The following CHN1 variants were observed in gnomAD, a reference collection of about 807,000 sequenced individuals.
CHN1 encodes chimerin 1, also known as N-chimaerin.
CHN1 carries 37 observed loss-of-function variants against 59.5 expected under a neutral mutation model. The ratio of observed to expected loss-of-function variants is 0.62; its 90% CI spans 0.48 to 0.82. CHN1 has a LOEUF of 0.82. Among genes scored for constraint, CHN1 ranks in the 40% least tolerant of loss-of-function variants. The pLI is 0.00. For synonymous variants in CHN1, 206 were observed against 200.4 expected, an observed-to-expected ratio of 1.03 and a Z score of -0.24; for missense variants, 469 against 571.0, an observed-to-expected ratio of 0.82 and a Z score of 1.82.
chr2:174,936,676 C>G (rs1020612781), intron 3 of CHN1, among the ~76,000 whole-genome samples: 1 of 152,098 alleles, frequency 6.6e-6, no homozygotes, highest in East Asian at 1.9e-4. Context: ...CTATAAATGA[C>G]AGAGTTGTAT....
At chr2:174,866,974 G>A (rs1181429213) in intron 6 of CHN1, among the ~76,000 whole-genome samples, 1 of 151,456 alleles carries the variant, frequency 6.6e-6, no homozygotes, top group East Asian at 1.9e-4. Flanking sequence ...TAAATATTCT[G>A]GAAACAAATG....
At chr2:174,906,408 A>T (rs1688544162) in intron 5 of CHN1, among the ~76,000 whole-genome samples, 1 of 152,206 alleles carries the variant, frequency 6.6e-6, no homozygotes, top group African/African-American at 2.4e-5. Flanking sequence ...TTACATCAAT[A>T]GAGACAAAAG....
intron 11 of CHN1, among the ~76,000 whole-genome samples, chr2:174,804,333 T>C (rs934750214): frequency 6.6e-6 from 1 of 152,120 alleles, no homozygotes; most frequent in South Asian, 2.1e-4. Flanking sequence ...TTAGCAGGTG[T>C]GGTCAGAAGG....
rs541296537 is a variant in CHN1 at position 174,868,354 on chromosome 2, C to T, written c.549+9486G>A. ...CTCTCTGCAATAGATTCCCGGTGCTCCCAGCCTTAAGAAACACTACACCTC... is the reference window on the plus strand; with the variant it reads ...CTCTCTGCAATAGATTCCCGGTGCTTCCAGCCTTAAGAAACACTACACCTC... On this transcript the variant is annotated intron_variant, in intron 6 of 12. Coordinates refer to ENST00000409900, the MANE Select transcript of CHN1 (RefSeq NM_001822.7). Among the ~76,000 whole-genome samples, 7 of 152,160 alleles carry T rather than the reference C, an allele frequency of 4.6e-5. 1 individual carries two copies. The highest frequency in any genetic ancestry group is 1.7e-4 in the African/African-American group (7 of 41,492).
chr2:174,933,142 T>C (rs866690239), intron 3 of CHN1, among the ~76,000 whole-genome samples: 3 of 152,144 alleles, frequency 2.0e-5, no homozygotes, highest in Non-Finnish European at 4.4e-5. Context: ...ATTAGACATA[T>C]GAGAGGGGAT....
chr2:174,841,261 C>G (rs911254061), intron 7 of CHN1, among the ~76,000 whole-genome samples: 1 of 152,134 alleles, frequency 6.6e-6, no homozygotes, highest in Non-Finnish European at 1.5e-5. Context: ...GCCAGCATGA[C>G]AAACCATAAG....
At chr2:174,802,043 A>T (rs1684740284) in intron 11 of CHN1, 1 of 388,634 alleles carries the variant, frequency 2.6e-6, no homozygotes, top group South Asian at 2.4e-5. Flanking sequence ...GATGGAGGGA[A>T]CATCCAGTTT....
chr2:174,916,257 T>C (rs373033991), intron 4 of CHN1, among the ~76,000 whole-genome samples: 1 of 152,248 alleles, frequency 6.6e-6, no homozygotes. Context: ...TCCCCTGTTA[T>C]GATGGTATAC....
At chr2:174,902,311 T>C (rs1021612895) in intron 5 of CHN1, among the ~76,000 whole-genome samples, 2 of 152,164 alleles carry the variant, frequency 1.3e-5, no homozygotes, top group Non-Finnish European at 2.9e-5. Flanking sequence ...TCACATCAAT[T>C]ACTTTCTATG....
At chr2:174,988,209 T>C (rs1691414983) in intron 1 of CHN1, among the ~76,000 whole-genome samples, 1 of 151,628 alleles carries the variant, frequency 6.6e-6, no homozygotes, top group African/African-American at 2.4e-5. Context: ...ATACAAAAAT[T>C]AGCCGGGCAT....
chr2:174,955,943 T>C (rs937280623), intron 1 of CHN1, among the ~76,000 whole-genome samples: 2 of 152,312 alleles, frequency 1.3e-5, no homozygotes, highest in Admixed American at 6.5e-5. Context: ...CTATGCTCAC[T>C]GCCAGGGTGA....
chr2:174,846,872 A>G lies in CHN1; in HGVS notation c.627+8T>C. On this transcript the variant is annotated splice_region_variant and intron_variant, in intron 7 of 12. Coordinates refer to ENST00000409900, the MANE Select transcript of CHN1 (RefSeq NM_001822.7). ...ATTTCTTAAAAGACTAAAAGCAAAT[A>G]TTCTTACCTTGAAATTGTGAATCTT... is the stretch of plus-strand genomic sequence containing the variant. 1 of 1,546,950 alleles carries G rather than the reference A, an allele frequency of 6.5e-7. No individual in the cohort carries two copies. Among genetic ancestry groups the G allele is most frequent in the Non-Finnish European group, 8.7e-7 (1 of 1,144,148 alleles).
In CHN1 at chr2:175,005,132, A is replaced by G. The variant is rs889213134; in HGVS notation, c.-220T>C. 1 of 1,305,492 alleles carries G rather than the reference A, an allele frequency of 7.7e-7. No homozygotes were observed. Among genetic ancestry groups the G allele is most frequent in the South Asian group, 1.8e-5 (1 of 55,114 alleles). 80.9% of individuals were successfully genotyped at this position (1,305,492 alleles called of 1,614,324 possible). ...ATTGTCGGGCGCACCGGGCCCAGGGAGCCCCGCTAGCTCTCCGCGAGCCGG... is the reference window on the plus strand; with the variant it reads ...ATTGTCGGGCGCACCGGGCCCAGGGGGCCCCGCTAGCTCTCCGCGAGCCGG... On this transcript the variant is annotated 5_prime_UTR_variant, in exon 1 of 13. Coordinates refer to ENST00000409900, the MANE Select transcript of CHN1 (RefSeq NM_001822.7).
intron 6 of CHN1, among the ~76,000 whole-genome samples, chr2:174,853,642 C>T (rs908035034): frequency 6.6e-6 from 1 of 152,158 alleles, no homozygotes; most frequent in Non-Finnish European, 1.5e-5. Flanking sequence ...AAGACACATG[C>T]ACTTCCATGT....
chr2:174,817,340 C>T (rs1574049566), intron 8 of CHN1, among the ~76,000 whole-genome samples: 2 of 152,040 alleles, frequency 1.3e-5, no homozygotes, highest in African/African-American at 4.8e-5. Flanking sequence ...TATTCTTTCC[C>T]TATGTATAAA....
Position 174,864,669 on chromosome 2 carries a change from G to A in CHN1, c.549+13171C>T, listed in dbSNP as rs76479340. Among the ~76,000 whole-genome samples the A allele has an allele frequency of 5.7e-3, 865 of 152,164 alleles. 5 individuals carry two copies. The highest frequency in any genetic ancestry group is 9.7e-3 in the Non-Finnish European group (658 of 68,008). On this transcript the variant is annotated intron_variant, in intron 6 of 12. Coordinates refer to ENST00000409900, the MANE Select transcript of CHN1 (RefSeq NM_001822.7). The stretch of plus-strand genomic sequence containing the variant: ...GCAGACTGCTTGAGCCCAGAAGTTC[G>A]AGACCAGCCTGGGCACTATGGCAAA...
chr2:174,847,121 T>C, intron 6 of CHN1, 164 bp from the exon 7 acceptor site: 3 of 1,548,880 alleles, frequency 1.9e-6, no homozygotes, highest in East Asian at 2.4e-5. Flanking sequence ...CCAAGACTCT[T>C]TGGATGGCAT....
chr2:174,908,423 T>G (rs550799538), intron 5 of CHN1, among the ~76,000 whole-genome samples: 4 of 152,332 alleles, frequency 2.6e-5, no homozygotes, highest in Admixed American at 2.6e-4. Flanking sequence ...TGTCTTCTAC[T>G]AAAAGCCTTC....
At position 174,915,261 on chromosome 2, in the gene CHN1, T is replaced by C. The variant is rs1010832743; in HGVS notation, c.147-90A>G. The stretch of plus-strand genomic sequence containing the variant: ...ACGTCCCACCACCACCACCTTCTCT[T>C]GTTGTTTTCAAGACAAAGTACTGCC... On this transcript the variant is annotated intron_variant, in intron 4 of 12. Coordinates refer to ENST00000409900, the MANE Select transcript of CHN1 (RefSeq NM_001822.7). 3.0e-6 allele frequency: 3 copies of C among 984,750 alleles called. No homozygotes were observed. The African/African-American group carries it at 4.8e-5, about 16-fold the overall frequency. The allele number at this position is 984,750 out of a possible 1,614,324, so 61.0% of individuals were successfully genotyped here.
Sources: allele counts gnomAD v4.1 joint callset (sites outside exome capture counted in the v4.1 genomes callset), GRCh38; gene constraint gnomAD v4.1.1; transcripts MANE v1.5; gene names NCBI Gene and HGNC (gene_info 2026-07-23, HGNC 2026-07-21).